Variants in DGKB observed in about 807,000 individuals in gnomAD.
The protein encoded by DGKB is diacylglycerol kinase beta, also known as 90 kDa diacylglycerol kinase.
A neutral mutation model predicts 114.3 loss-of-function variants in DGKB; 67 were observed. The observed-to-expected ratio is 0.59, with a 90% CI of 0.48 to 0.72. DGKB has a LOEUF of 0.72. DGKB is among the 30% of genes least tolerant of loss of function. The pLI is 0.00. For synonymous variants in DGKB, 398 were observed against 323.1 expected (o/e 1.23, Z -2.49); for missense variants, 907 against 975.2 (o/e 0.93, Z 0.93).
intron 23 of DGKB, among the ~76,000 whole-genome samples, chr7:14,280,655 G>A (rs867126247): frequency 8.3e-4 from 125 of 151,332 alleles, no homozygotes; most frequent in Middle Eastern, 6.8e-3. Context: ...GACTAACAGC[G>A]GATCTCTCGG....
intron 16 of DGKB, 112 bp from the exon 17 acceptor site, chr7:14,607,620 A>G: frequency 2.8e-6 from 1 of 358,536 alleles, no homozygotes; most frequent in Non-Finnish European, 5.1e-6. Context: ...TATATAATTT[A>G]ATAAAAAATT....
chr7:14,368,045 AATTTTT>A (rs1474222098), intron 21 of DGKB, among the ~76,000 whole-genome samples: 11 of 152,164 alleles, frequency 7.2e-5, no homozygotes, highest in African/African-American at 2.6e-4. Context: ...TTTTAATTTT[AATTTTT>A]AAATAGAATT....
At chr7:14,470,971 T>C (rs1781198617) in intron 21 of DGKB, among the ~76,000 whole-genome samples, 1 of 151,378 alleles carries the variant, frequency 6.6e-6, no homozygotes, top group Non-Finnish European at 1.5e-5. Flanking sequence ...CATTTTTCTG[T>C]CACTACTGAA....
intron 13 of DGKB, among the ~76,000 whole-genome samples, chr7:14,645,291 C>T (rs1296768014): frequency 6.6e-6 from 1 of 152,114 alleles, no homozygotes; most frequent in South Asian, 2.1e-4. Context: ...ATACCTTGAT[C>T]CTTTTGGTCA....
intron 20 of DGKB, among the ~76,000 whole-genome samples, chr7:14,503,325 C>G (rs1245141310): frequency 6.6e-6 from 1 of 152,080 alleles, no homozygotes; most frequent in Non-Finnish European, 1.5e-5. Flanking sequence ...CTGTCATCTC[C>G]AAGACTAGTC....
chr7:14,508,810 C>G (rs1313772693), intron 20 of DGKB, among the ~76,000 whole-genome samples: 5 of 150,508 alleles, frequency 3.3e-5, no homozygotes, highest in African/African-American at 1.3e-4. Flanking sequence ...CTCTTGACCC[C>G]AGATCTAGTG....
At chr7:14,225,946 C>T (rs1322849677) in intron 23 of DGKB, among the ~76,000 whole-genome samples, 1 of 151,728 alleles carries the variant, frequency 6.6e-6, no homozygotes. Context: ...TATTACTGTC[C>T]TCTATGCTTG....
chr7:14,690,238 G>A (rs143917429), intron 9 of DGKB, among the ~76,000 whole-genome samples: 8 of 152,206 alleles, frequency 5.3e-5, no homozygotes, highest in African/African-American at 7.2e-5. Flanking sequence ...AACTGAAAGA[G>A]TATTAGGAAA....
intron 20 of DGKB, among the ~76,000 whole-genome samples, chr7:14,518,900 G>A (rs1220530566): frequency 6.6e-6 from 1 of 151,976 alleles, no homozygotes; most frequent in African/African-American, 2.4e-5. Flanking sequence ...GGATTCAGTA[G>A]GTATGGGATA....
intron 20 of DGKB, among the ~76,000 whole-genome samples, chr7:14,504,116 A>G (rs1786637748): frequency 6.6e-6 from 1 of 152,220 alleles, no homozygotes; most frequent in African/African-American, 2.4e-5. Flanking sequence ...AACAACCACA[A>G]TACACTATAT....
intron 20 of DGKB, among the ~76,000 whole-genome samples, chr7:14,567,162 A>G (rs1157107125): frequency 2.0e-5 from 2 of 97,654 alleles, no homozygotes; most frequent in South Asian, 2.7e-4. Flanking sequence ...ATACAATTAT[A>G]TTTATATATA....
At chr7:14,861,313 A>C (rs907799419) in intron 1 of DGKB, among the ~76,000 whole-genome samples, 6 of 142,590 alleles carry the variant, frequency 4.2e-5, no homozygotes, top group African/African-American at 1.6e-4. Flanking sequence ...TTGAGTATAA[A>C]AACGTATTAA....
intron 20 of DGKB, among the ~76,000 whole-genome samples, chr7:14,505,621 T>C (rs929585567): frequency 2.0e-5 from 3 of 152,190 alleles, no homozygotes; most frequent in Non-Finnish European, 4.4e-5. Flanking sequence ...TAAAATTGCC[T>C]CCTGACTGTG....
At chr7:14,376,796 G>C (rs751384437) in intron 21 of DGKB, among the ~76,000 whole-genome samples, 2 of 152,162 alleles carry the variant, frequency 1.3e-5, no homozygotes, top group Non-Finnish European at 2.9e-5. Flanking sequence ...AGGGTGCCTA[G>C]ATATTTCCAC....
At chr7:14,690,681 G>A (rs1822676425) in intron 9 of DGKB, among the ~76,000 whole-genome samples, 1 of 152,180 alleles carries the variant, frequency 6.6e-6, no homozygotes, top group Non-Finnish European at 1.5e-5. Context: ...TTAAGGCGGA[G>A]ACCTTATGGC....
intron 23 of DGKB, among the ~76,000 whole-genome samples, chr7:14,285,158 C>G (rs1193795655): frequency 2.0e-5 from 3 of 152,136 alleles, no homozygotes; most frequent in Admixed American, 6.6e-5. Context: ...TGATTTACTC[C>G]TATTTCCTAA....
intron 1 of DGKB, among the ~76,000 whole-genome samples, chr7:14,856,160 C>T (rs1850121160): frequency 6.6e-6 from 1 of 151,852 alleles, no homozygotes; most frequent in Non-Finnish European, 1.5e-5. Flanking sequence ...TATAAGGAAC[C>T]CATAAGTGAA....
At position 14,307,422 on chromosome 7, in the gene DGKB, A is replaced by G. The variant is rs116766062; in HGVS notation, c.2122+31093T>C. 2.4e-3 allele frequency among the ~76,000 whole-genome samples: 365 copies of G among 152,324 alleles called. 1 individual carries two copies. The highest frequency in any genetic ancestry group is 8.4e-3 in the African/African-American group (348 of 41,588). On this transcript the variant is annotated intron_variant, in intron 23 of 25. Transcript: ENST00000402815. ...TTAACATATTTCTAATGTATGACTA[A>G]GCATATTAATTGAATAGCGTTAAAT...
intron 23 of DGKB, among the ~76,000 whole-genome samples, chr7:14,293,143 T>C (rs1562859461): frequency 6.6e-6 from 1 of 152,328 alleles, no homozygotes; most frequent in East Asian, 1.9e-4. Flanking sequence ...AATATGAACA[T>C]GGTCAGTTTA....
Sources: allele counts gnomAD v4.1 joint callset (sites outside exome capture counted in the v4.1 genomes callset), GRCh38; gene constraint gnomAD v4.1.1; transcripts MANE v1.5; gene names NCBI Gene and HGNC (gene_info 2026-07-23, HGNC 2026-07-21).